Variants in TBC1D22A observed in about 807,000 individuals in gnomAD.
The protein encoded by TBC1D22A is putative GTPase activator.
Under a neutral mutation model 60.2 loss-of-function variants are expected in TBC1D22A, and 38 were observed. The observed-to-expected ratio is 0.63, with a 90% CI of 0.49 to 0.83. The LOEUF is 0.83. TBC1D22A is among the 40% of genes least tolerant of loss of function. The pLI is 0.00. For missense variants in TBC1D22A, 628 were observed against 701.0 expected (o/e 0.90, Z 1.18); for synonymous variants, 302 against 281.7 (o/e 1.07, Z -0.72).
intron 12 of TBC1D22A, among the ~76,000 whole-genome samples, chr22:47,132,904 C>T (rs191771304): frequency 2.0e-5 from 3 of 152,154 alleles, no homozygotes; most frequent in Non-Finnish European, 4.4e-5. Context: ...GAACCAGGGC[C>T]TTGAACTCCC....
chr22:47,085,939 G>A (rs900388900), intron 11 of TBC1D22A, among the ~76,000 whole-genome samples: 11 of 152,212 alleles, frequency 7.2e-5, no homozygotes, highest in African/African-American at 2.7e-4. Flanking sequence ...CATGTGCACT[G>A]ATGAATGTGC....
chr22:47,045,840 G>A, intron 11 of TBC1D22A, among the ~76,000 whole-genome samples: 1 of 152,296 alleles, frequency 6.6e-6, no homozygotes, highest in South Asian at 2.1e-4. Flanking sequence ...GTGGGGCTTG[G>A]TTTTGGTCCC....
intron 8 of TBC1D22A, among the ~76,000 whole-genome samples, chr22:46,929,711 TGTGTGC>T (rs964091657): frequency 1.3e-5 from 1 of 74,618 alleles, no homozygotes; most frequent in East Asian, 3.9e-4. Flanking sequence ...TGTGTGTGTG[TGTGTGC>T]GTGTGCGTGT....
intron 12 of TBC1D22A, among the ~76,000 whole-genome samples, chr22:47,166,685 G>A (rs933319830): frequency 1.3e-5 from 2 of 152,276 alleles, no homozygotes; most frequent in Non-Finnish European, 2.9e-5. Flanking sequence ...GCCCTGCAGG[G>A]CTGTGGGCTG....
intron 11 of TBC1D22A, among the ~76,000 whole-genome samples, chr22:47,108,829 G>A (rs1291774183): frequency 1.3e-5 from 2 of 152,116 alleles, no homozygotes; most frequent in Non-Finnish European, 2.9e-5. Context: ...CCGAGTAGCT[G>A]GGACTACAGG....
Position 46,823,367 on chromosome 22 carries a change from C to T in TBC1D22A, c.637+25747C>T, listed in dbSNP as rs186871769. 4.6e-5 allele frequency among the ~76,000 whole-genome samples: 7 copies of T among 152,278 alleles called. 1 individual carries two copies. Among genetic ancestry groups the T allele is most frequent in the East Asian group, 3.9e-4 (2 of 5,180 alleles). On this transcript the variant is annotated intron_variant, in intron 4 of 12. Coordinates refer to ENST00000337137, the MANE Select transcript of TBC1D22A (RefSeq NM_014346.5). The stretch of plus-strand genomic sequence containing the variant: ...ATATAGAACACTGCTGCAAAGAAAT[C>T]GCCACGTGTGCATCACCAGCTCCAT...
intron 11 of TBC1D22A, among the ~76,000 whole-genome samples, chr22:47,044,805 T>A (rs131897): frequency 0.71 from 107,064 of 151,858 alleles, 38,235 homozygotes; most frequent in East Asian, 0.92. Flanking sequence ...GGGGATTTAA[T>A]GCTGTATTTA....
intron 10 of TBC1D22A, among the ~76,000 whole-genome samples, chr22:47,023,771 G>A (rs2062164286): frequency 6.6e-6 from 1 of 152,156 alleles, no homozygotes; most frequent in African/African-American, 2.4e-5. Context: ...TGAAATACGT[G>A]CTGTTTCAGA....
At chr22:46,936,719 A>G (rs2071680599) in intron 8 of TBC1D22A, among the ~76,000 whole-genome samples, 1 of 152,274 alleles carries the variant, frequency 6.6e-6, no homozygotes, top group South Asian at 2.1e-4. Flanking sequence ...CTGCGAGGAC[A>G]CACAGCCCAG....
chr22:46,807,619 A>G (rs184051455), intron 4 of TBC1D22A, among the ~76,000 whole-genome samples: 2 of 152,302 alleles, frequency 1.3e-5, no homozygotes, highest in Non-Finnish European at 2.9e-5. Context: ...CATTTACTCC[A>G]TATGATGAGT....
intron 4 of TBC1D22A, among the ~76,000 whole-genome samples, chr22:46,844,025 C>T (rs12171068): frequency 0.094 from 14,255 of 151,504 alleles, 772 homozygotes; most frequent in Non-Finnish European, 0.12. Flanking sequence ...GAGGGTCACA[C>T]GGTCTCTGTC....
intron 3 of TBC1D22A, 71 bp downstream of exon 3, chr22:46,793,912 C>CTGATTCTCCCACAGTGAG: frequency 1.5e-6 from 2 of 1,379,098 alleles, no homozygotes; most frequent in Non-Finnish European, 1.9e-6. Flanking sequence ...AACACACTCA[C>CTGATTCTCCCACAGTGAG]TGTGGGAGAA....
At chr22:46,909,986 C>T (rs4823584) in intron 7 of TBC1D22A, among the ~76,000 whole-genome samples, 102,981 of 152,162 alleles carry the variant, frequency 0.68, 35,586 homozygotes, top group African/African-American at 0.81. Context: ...TGCAGCTCGG[C>T]TAAATAGCAT....
rs7286691 is a variant in TBC1D22A at position 47,069,728 on chromosome 22, G to C, written c.1329+32530G>C. Among the ~76,000 whole-genome samples, 2 of 65,422 alleles carry C rather than the reference G, an allele frequency of 3.1e-5. 1 individual carries two copies. Among genetic ancestry groups the C allele is most frequent in the African/African-American group, 1.6e-4 (2 of 12,506 alleles). The allele number at this position is 65,422 out of a possible 152,430, so 42.9% of individuals were successfully genotyped here. On this transcript the variant is annotated intron_variant, in intron 11 of 12. Transcript: ENST00000337137. ...TGACCTGACGGTCCTGGCTGTTCCC[G>C]GTTGTTTGGTTGGAGCGGAGCTGAC...
chr22:46,994,592 G>A (rs1483114178), intron 9 of TBC1D22A, among the ~76,000 whole-genome samples: 1 of 152,234 alleles, frequency 6.6e-6, no homozygotes, highest in Non-Finnish European at 1.5e-5. Context: ...CAGACCAATG[G>A]GGTGGTTAGA....
chr22:46,933,848 C>T (rs1249193934), intron 8 of TBC1D22A, among the ~76,000 whole-genome samples: 1 of 152,218 alleles, frequency 6.6e-6, no homozygotes, highest in Non-Finnish European at 1.5e-5. Context: ...TCTTGGGAAA[C>T]ACAGCTTTAG....
intron 4 of TBC1D22A, among the ~76,000 whole-genome samples, chr22:46,862,501 C>T (rs1032887586): frequency 3.1e-4 from 47 of 152,322 alleles, no homozygotes; most frequent in Non-Finnish European, 4.1e-4. Flanking sequence ...CCAGAGCCTG[C>T]AACCTTGGTT....
At chr22:47,076,408 C>CACAT (rs1556106069) in intron 11 of TBC1D22A, among the ~76,000 whole-genome samples, 81 of 102,486 alleles carry the variant, frequency 7.9e-4, no homozygotes, top group Non-Finnish European at 1.1e-3. Context: ...CACACACACA[C>CACAT]ATATATATAT....
chr22:46,940,431 A>T (rs1324806521), intron 8 of TBC1D22A, among the ~76,000 whole-genome samples: 3 of 151,436 alleles, frequency 2.0e-5, no homozygotes. Context: ...ACCCTTGAAC[A>T]GCATGGGGAC....
Sources: gnomAD v4.1 joint callset for allele counts (sites outside exome capture counted in the v4.1 genomes callset) on GRCh38, gnomAD v4.1.1 for gene constraint, MANE v1.5 for transcripts, NCBI Gene and HGNC (gene_info 2026-07-23, HGNC 2026-07-21) for gene names.